COL21A1: variants seen among roughly 807,000 people sequenced by gnomAD.
The protein encoded by COL21A1 is collagen type XXI alpha 1 chain, also known as collagen alpha-1(XXI) chain.
In COL21A1, 149 loss-of-function variants were observed where a neutral mutation model predicts 137.9. The observed-to-expected ratio is 1.08, with a 90% CI of 0.95 to 1.24. COL21A1 has a LOEUF of 1.24. Among genes scored for constraint, COL21A1 ranks in the 50% most tolerant of loss-of-function variants. The probability of loss-of-function intolerance (pLI) is 0.00; values close to 1 mark genes in which losing one functional copy is unlikely to be tolerated. For synonymous variants in COL21A1, 456 were observed against 391.5 expected (o/e 1.16, Z -1.95); for missense variants, 1,167 against 1,158.4 (o/e 1.01, Z -0.11).
intron 16 of COL21A1, among the ~76,000 whole-genome samples, chr6:56,123,808 C>T (rs1166036548): frequency 6.6e-6 from 1 of 152,168 alleles, no homozygotes; most frequent in Non-Finnish European, 1.5e-5. Flanking sequence ...GCCAAATAAA[C>T]CAATCTGAAG....
At chr6:56,268,496 T>C (rs1471671766) in intron 1 of COL21A1, among the ~76,000 whole-genome samples, 1 of 152,162 alleles carries the variant, frequency 6.6e-6, no homozygotes, top group Non-Finnish European at 1.5e-5. Context: ...GACCACCTAA[T>C]GAATCACAAC....
chr6:56,163,686 G>A (rs536592061), intron 9 of COL21A1, among the ~76,000 whole-genome samples: 48 of 145,454 alleles, frequency 3.3e-4, no homozygotes, highest in African/African-American at 1.2e-3. Flanking sequence ...TCCAGCTGGC[G>A]ATAGAGCAAG....
Position 56,124,097 on chromosome 6 carries a change from C to A in COL21A1, c.1723G>T (p.Gly575Ter), listed in dbSNP as rs1439716653. 24 of 1,536,952 alleles carry A rather than the reference C, an allele frequency of 1.6e-5. No individual in the cohort carries two copies. Among genetic ancestry groups the A allele is most frequent in the Non-Finnish European group, 2.0e-5 (23 of 1,141,972 alleles). Reference sequence around the variant, plus strand: ...GGACTACCCATTAATCCATCCTTTCCATGTCTTCCTGGTTCTCCCTAAAAA... The same window carrying A: ...GGACTACCCATTAATCCATCCTTTCAATGTCTTCCTGGTTCTCCCTAAAAA... ...PGPAGEPGRH[G>*]KDGLMGSPGF... Residue 575 changes from glycine (G) to a stop codon, truncating the protein, a stop_gained, in exon 16 of 30, where the codon GGA becomes TGA. Transcript: ENST00000244728. LOFTEE classifies it high-confidence loss of function.
intron 1 of COL21A1, among the ~76,000 whole-genome samples, chr6:56,190,237 A>G (rs1212406943): frequency 6.6e-6 from 1 of 152,190 alleles, no homozygotes; most frequent in Non-Finnish European, 1.5e-5. Flanking sequence ...AAATAGATGG[A>G]ATAAAAAATG....
chr6:56,313,840 G>C (rs1764668136), intron 1 of COL21A1, among the ~76,000 whole-genome samples: 1 of 152,152 alleles, frequency 6.6e-6, no homozygotes, highest in African/African-American at 2.4e-5. Flanking sequence ...AATCAGCCTA[G>C]TGACCTATTA....
chr6:56,382,870 T>C (rs1166118123), intron 1 of COL21A1, among the ~76,000 whole-genome samples: 1 of 152,164 alleles, frequency 6.6e-6, no homozygotes, highest in Non-Finnish European at 1.5e-5. Context: ...CTGCCTCTCC[T>C]TAGACCAGAG....
intron 12 of COL21A1, among the ~76,000 whole-genome samples, chr6:56,138,699 G>C (rs537136393): frequency 6.6e-6 from 1 of 152,180 alleles, no homozygotes; most frequent in South Asian, 2.1e-4. Context: ...CAGAAGGTTG[G>C]GATGGAAGTC....
intron 1 of COL21A1, among the ~76,000 whole-genome samples, chr6:56,345,316 C>T (rs1323869222): frequency 1.3e-5 from 2 of 152,108 alleles, no homozygotes; most frequent in Non-Finnish European, 2.9e-5. Context: ...TGGCTTTTTG[C>T]AGTCCTTTAA....
At chr6:56,318,048 A>G (rs1448388765) in intron 1 of COL21A1, among the ~76,000 whole-genome samples, 1 of 152,230 alleles carries the variant, frequency 6.6e-6, no homozygotes, top group Non-Finnish European at 1.5e-5. Context: ...AAAATCGGTT[A>G]GCACTAAGTT....
Position 56,164,510 on chromosome 6 carries a change from T to G in COL21A1, c.1288-4A>C. 3.2e-6 allele frequency: 5 copies of G among 1,571,746 alleles called. No homozygotes were observed. The highest frequency in any genetic ancestry group is 4.3e-6 in the Non-Finnish European group (5 of 1,155,236). On this transcript the variant is annotated splice_polypyrimidine_tract_variant and splice_region_variant and intron_variant, in intron 8 of 29. Transcript: ENST00000244728. The stretch of plus-strand genomic sequence containing the variant: ...CATCACTGGGACCATTAAGGCACTA[T>G]AAAGACAAAAATGGAAACAGACAAC...
intron 1 of COL21A1, among the ~76,000 whole-genome samples, chr6:56,206,068 G>T (rs1182244085): frequency 6.6e-6 from 1 of 152,118 alleles, no homozygotes; most frequent in Non-Finnish European, 1.5e-5. Flanking sequence ...TGAAGAAACT[G>T]CATCAACTAA....
intron 6 of COL21A1, 110 bp from the exon 7 acceptor site, chr6:56,167,093 T>G (rs1776641867): frequency 1.3e-6 from 1 of 743,862 alleles, no homozygotes; most frequent in African/African-American, 1.8e-5. Flanking sequence ...GTGTAAGGTT[T>G]ACATCACAGC....
chr6:56,231,305 C>T (rs368715058), intron 1 of COL21A1, among the ~76,000 whole-genome samples: 10 of 152,002 alleles, frequency 6.6e-5, no homozygotes, highest in African/African-American at 2.4e-4. Flanking sequence ...AAATGATAAA[C>T]ATCCTGCATT....
Position 56,097,822 on chromosome 6 carries a change from CATATAAATATATATAAAT to C in COL21A1, c.1812+3632_1812+3649del, listed in dbSNP as rs1269340055. Among the ~76,000 whole-genome samples, 15 of 40,482 alleles carry C rather than the reference CATATAAATATATATAAAT, an allele frequency of 3.7e-4. 2 individuals carry two copies. Among genetic ancestry groups the C allele is most frequent in the Non-Finnish European group, 4.0e-4 (9 of 22,280 alleles). 26.6% of individuals were successfully genotyped at this position (40,482 alleles called of 152,430 possible). A position where few individuals can be genotyped will look rare whatever the true frequency, so the allele number is the denominator to read the frequency against. ...AAATCTATATAAATATATATAAATA[CATATAAATATATATAAAT>C]ATATAAATATATATAAATATATAAA... On this transcript the variant is annotated intron_variant, in intron 17 of 29. Coordinates refer to ENST00000244728, the MANE Select transcript of COL21A1 (RefSeq NM_030820.4).
chr6:56,128,501 T>C (rs1050803927), intron 12 of COL21A1, among the ~76,000 whole-genome samples: 5 of 152,190 alleles, frequency 3.3e-5, no homozygotes, highest in Admixed American at 6.5e-5. Context: ...TGCCATTTCA[T>C]TGGATGCTGT....
At chr6:56,228,050 T>C (rs748588696) in intron 1 of COL21A1, among the ~76,000 whole-genome samples, 1 of 151,816 alleles carries the variant, frequency 6.6e-6, no homozygotes, top group South Asian at 2.1e-4. Flanking sequence ...GAACCGCCCA[T>C]GGAGAGTGGG....
intron 17 of COL21A1, among the ~76,000 whole-genome samples, chr6:56,079,268 A>G (rs955604731): frequency 1.3e-5 from 2 of 151,728 alleles, no homozygotes; most frequent in African/African-American, 4.8e-5. Flanking sequence ...AGTTCTGTCA[A>G]TGTAATAACC....
At chr6:56,252,925 A>C (rs201116110) in intron 1 of COL21A1, among the ~76,000 whole-genome samples, 1 of 152,176 alleles carries the variant, frequency 6.6e-6, no homozygotes, top group East Asian at 1.9e-4. Context: ...CCTTTCAACA[A>C]CAATATCCTT....
Position 56,298,106 on chromosome 6 carries a change from A to T in COL21A1, c.-39+95865T>A, listed in dbSNP as rs371094548. On this transcript the variant is annotated intron_variant, in intron 1 of 28. Coordinates refer to the COL21A1 transcript ENST00000370819. ...AATATAGTAATACGGATGCTAAATT[A>T]AAAAAAAAAAAAACCTTGCACACAT... Among the ~76,000 whole-genome samples, 273 of 53,112 alleles carry T rather than the reference A, an allele frequency of 5.1e-3. 1 individual carries two copies. The highest frequency in any genetic ancestry group is 0.016 in the African/African-American group (268 of 16,706). The allele number at this position is 53,112 out of a possible 152,430, so 34.8% of individuals were successfully genotyped here. A position where few individuals can be genotyped will look rare whatever the true frequency, so the allele number is the denominator to read the frequency against.
Sources: allele counts gnomAD v4.1 joint callset (sites outside exome capture counted in the v4.1 genomes callset), GRCh38; gene constraint gnomAD v4.1.1; transcripts MANE v1.5; gene names NCBI Gene and HGNC (gene_info 2026-07-23, HGNC 2026-07-21).